The following PTPRT variants were observed in gnomAD, a reference collection of about 807,000 sequenced individuals.
PTPRT encodes the protein receptor-type tyrosine-protein phosphatase T.
Under a neutral mutation model 176.8 loss-of-function variants are expected in PTPRT, and 56 were observed. The observed-to-expected ratio is 0.32, with a 90% confidence interval of 0.26 to 0.40. PTPRT has a LOEUF of 0.40. PTPRT is among the 10% of genes least tolerant of loss of function. PTPRT has a pLI of 1.00. For synonymous variants in PTPRT, 783 were observed against 739.0 expected (o/e 1.06, Z -0.96); for missense variants, 1,540 against 1,908.2 (o/e 0.81, Z 3.60).
the PTPRT span, among the ~76,000 whole-genome samples, chr20:42,037,745 G>T: frequency 1.3e-5 from 2 of 152,216 alleles, no homozygotes; most frequent in African/African-American, 4.8e-5. Context: ...TTGCCATTTT[G>T]TGATGTGAAG....
At chr20:42,691,845 T>C (rs2146121991) in intron 6 of PTPRT, among the ~76,000 whole-genome samples, 1 of 152,320 alleles carries the variant, frequency 6.6e-6, no homozygotes, top group Middle Eastern at 3.4e-3. Context: ...TTCATGCTGT[T>C]GTCTACCACA....
intron 1 of PTPRT, among the ~76,000 whole-genome samples, chr20:42,923,845 C>CT (rs61259027): frequency 0.04 from 6,029 of 149,552 alleles, 323 homozygotes; most frequent in African/African-American, 0.13. Flanking sequence ...TTTTTCTTTT[C>CT]TTTTTTTTTT....
At chr20:42,345,490 A>T (rs370723538) in intron 11 of PTPRT, among the ~76,000 whole-genome samples, 1 of 149,120 alleles carries the variant, frequency 6.7e-6, no homozygotes, top group South Asian at 2.1e-4. Context: ...CTATAGATAT[A>T]CACATATATA....
At chr20:42,975,973 G>C (rs536185406) in intron 1 of PTPRT, among the ~76,000 whole-genome samples, 1 of 150,698 alleles carries the variant, frequency 6.6e-6, no homozygotes, top group Admixed American at 6.6e-5. Flanking sequence ...TGAAGCACTC[G>C]ATCTTCTCAC....
At chr20:42,585,838 C>G (rs752297512) in intron 7 of PTPRT, among the ~76,000 whole-genome samples, 11 of 151,932 alleles carry the variant, frequency 7.2e-5, no homozygotes, top group Non-Finnish European at 1.3e-4. Context: ...TATTTTTTCC[C>G]AATTAATTGT....
chr20:42,493,462 T>G (rs1328629172), intron 7 of PTPRT, among the ~76,000 whole-genome samples: 1 of 152,148 alleles, frequency 6.6e-6, no homozygotes, highest in African/African-American at 2.4e-5. Context: ...CTAAGCACAG[T>G]ACGTCAGTGA....
rs1234282211 is a variant in PTPRT at position 42,591,041 on chromosome 20, T to TAAA, written c.1153+86824_1153+86825insTTT. On this transcript the variant is annotated intron_variant, in intron 7 of 30. Transcript: ENST00000373187. ...GTACTGCATGCTATATACACCAAGATAATATCCAAATGGGTCAAGATTTTA... is the reference window on the plus strand; with the variant it reads ...GTACTGCATGCTATATACACCAAGATAAAAATATCCAAATGGGTCAAGATTTTA... Among the ~76,000 whole-genome samples the TAAA allele has an allele frequency of 2.0e-5, 3 of 151,320 alleles. No homozygotes were observed. In the East Asian group the frequency reaches 5.9e-4, roughly 30 times the overall value.
intron 7 of PTPRT, among the ~76,000 whole-genome samples, chr20:42,479,781 T>C (rs1188315732): frequency 6.6e-6 from 1 of 152,230 alleles, no homozygotes. Context: ...ACAGGGATGT[T>C]CGACTGGTAA....
intron 6 of PTPRT, among the ~76,000 whole-genome samples, chr20:42,704,014 G>C (rs755072323): frequency 1.3e-5 from 2 of 152,142 alleles, no homozygotes; most frequent in Admixed American, 6.5e-5. Context: ...ACAGTGAAGT[G>C]ATAAGGAACA....
chr20:42,084,663 A>C lies in PTPRT; in HGVS notation c.4136+19T>G. 7.1e-7 allele frequency: 1 copy of C among 1,415,968 alleles called. No individual in the cohort carries two copies. Among genetic ancestry groups the C allele is most frequent in the Non-Finnish European group, 9.4e-7 (1 of 1,066,974 alleles). 87.7% of individuals were successfully genotyped at this position (1,415,968 alleles called of 1,614,324 possible). A position where few individuals can be genotyped will look rare whatever the true frequency, so the allele number is the denominator to read the frequency against. ...CACCCACCACCCTATTGCCCTGGTG[A>C]CACCTCCCTAGTACTCACAGGCAGT... On this transcript the variant is annotated intron_variant, in intron 29 of 30. Coordinates refer to ENST00000373187, the MANE Select transcript of PTPRT (RefSeq NM_007050.6).
At chr20:42,276,551 ATATATAT>A (rs1410531305) in intron 13 of PTPRT, among the ~76,000 whole-genome samples, 2 of 85,188 alleles carry the variant, frequency 2.3e-5, no homozygotes, top group African/African-American at 4.6e-5. Flanking sequence ...ATATATATAT[ATATATAT>A]AATGTTCTTG....
chr20:43,100,852 A>C (rs2146324542), intron 1 of PTPRT, among the ~76,000 whole-genome samples: 1 of 151,020 alleles, frequency 6.6e-6, no homozygotes, highest in East Asian at 1.9e-4. Flanking sequence ...TTCCCATGCA[A>C]ATACACATAA....
At chr20:42,114,421 G>A (rs975257054) in intron 22 of PTPRT, among the ~76,000 whole-genome samples, 4 of 152,196 alleles carry the variant, frequency 2.6e-5, no homozygotes, top group African/African-American at 7.2e-5. Flanking sequence ...TGATATAATA[G>A]TAATGATAGA....
intron 7 of PTPRT, among the ~76,000 whole-genome samples, chr20:42,652,185 G>A (rs960518481): frequency 6.6e-5 from 10 of 151,774 alleles, no homozygotes; most frequent in African/African-American, 2.4e-4. Context: ...CTATTCAAAT[G>A]ACAAAAAAAA....
At chr20:42,932,008 C>G (rs753384438) in intron 1 of PTPRT, among the ~76,000 whole-genome samples, 6 of 152,242 alleles carry the variant, frequency 3.9e-5, no homozygotes, top group Non-Finnish European at 7.3e-5. Flanking sequence ...GAGGCCACAG[C>G]AGCCTCCTTG....
At chr20:42,179,190 A>T (rs1990416476) in intron 16 of PTPRT, among the ~76,000 whole-genome samples, 1 of 152,228 alleles carries the variant, frequency 6.6e-6, no homozygotes, top group South Asian at 2.1e-4. Context: ...AAATATACAC[A>T]TATGAGAGTA....
intron 14 of PTPRT, among the ~76,000 whole-genome samples, chr20:42,238,547 G>A (rs2056289340): frequency 6.6e-6 from 1 of 152,188 alleles, no homozygotes; most frequent in Non-Finnish European, 1.5e-5. Flanking sequence ...TCCAGTGCCT[G>A]GAAGGTGATT....
intron 1 of PTPRT, among the ~76,000 whole-genome samples, chr20:43,101,823 C>T (rs2425593): frequency 0.49 from 74,472 of 152,012 alleles, 18,594 homozygotes; most frequent in African/African-American, 0.51. Flanking sequence ...AGGGCAAAAA[C>T]AATCAAGGGT....
At chr20:42,862,394 C>A (rs1455428998) in intron 2 of PTPRT, among the ~76,000 whole-genome samples, 1 of 152,128 alleles carries the variant, frequency 6.6e-6, no homozygotes, top group Non-Finnish European at 1.5e-5. Flanking sequence ...ATGGCAAGTT[C>A]CTGAAGCAGA....
Sources: gnomAD v4.1 joint callset for allele counts (sites outside exome capture counted in the v4.1 genomes callset) on GRCh38, gnomAD v4.1.1 for gene constraint, MANE v1.5 for transcripts, NCBI Gene and HGNC (gene_info 2026-07-23, HGNC 2026-07-21) for gene names.